Variants in TTC23 observed in about 807,000 individuals in gnomAD.
TTC23 encodes tetratricopeptide repeat protein 23.
A neutral mutation model predicts 55.1 loss-of-function variants in TTC23; 58 were observed. That is an observed-to-expected ratio of 1.05 (90% CI 0.85 to 1.31). The LOEUF (loss-of-function observed/expected upper bound fraction) is 1.31, where lower values mean the gene tolerates loss of function less well. TTC23 is among the 50% of genes most tolerant of loss of function. The pLI, the probability that TTC23 is intolerant of heterozygous loss-of-function variation, is 0.00. For missense variants in TTC23, 516 were observed against 534.4 expected (o/e 0.97, Z 0.34); for synonymous variants, 203 against 199.9 (o/e 1.02, Z -0.13).
intron 12 of TTC23, among the ~76,000 whole-genome samples, chr15:99,146,212 A>T (rs530229585): frequency 6.6e-6 from 1 of 152,372 alleles, no homozygotes; most frequent in Non-Finnish European, 1.5e-5. Context: ...GTGTACCCAC[A>T]TAGAAATTAT....
At chr15:99,218,846 A>C in intron 7 of TTC23, 52 bp downstream of exon 7, 1 of 1,598,644 alleles carries the variant, frequency 6.3e-7, no homozygotes, top group Non-Finnish European at 8.5e-7. Context: ...TTGGCGTGTA[A>C]GTGTTACGTG....
At chr15:99,159,488 G>A (rs1194235293) in intron 11 of TTC23, 2 of 152,310 alleles carry the variant, frequency 1.3e-5, no homozygotes, top group Middle Eastern at 3.2e-3. Context: ...AGAGGAATCA[G>A]AGAAGCTGGT....
chr15:99,180,222 T>C lies in TTC23; in HGVS notation c.760-5067A>G, dbSNP rs1012401378. On this transcript the variant is annotated intron_variant, in intron 9 of 13. Coordinates refer to ENST00000394132, the MANE Select transcript of TTC23 (RefSeq NM_001288615.3). The stretch of plus-strand genomic sequence containing the variant: ...GTATCTTATGGTTACATTTATCAAC[T>C]GTCATCTTGAAGCTGAGGAGGAATG... Among the ~76,000 whole-genome samples the C allele has an allele frequency of 2.6e-5, 4 of 152,150 alleles. 1 individual carries two copies. Among genetic ancestry groups the C allele is most frequent in the Admixed American group, 1.3e-4 (2 of 15,270 alleles).
chr15:99,232,185 G>C (rs867440301), intron 4 of TTC23, among the ~76,000 whole-genome samples: 4 of 151,338 alleles, frequency 2.6e-5, no homozygotes, highest in Non-Finnish European at 4.4e-5. Context: ...AGGATATAAA[G>C]AAAGAAAAAT....
chr15:99,205,015 T>C (rs1442853010), intron 8 of TTC23, among the ~76,000 whole-genome samples: 3 of 152,218 alleles, frequency 2.0e-5, no homozygotes, highest in African/African-American at 4.8e-5. Context: ...CTTATGAATA[T>C]GGATATCCAG....
At chr15:99,189,798 A>G (rs1250735903) in intron 9 of TTC23, among the ~76,000 whole-genome samples, 1 of 152,210 alleles carries the variant, frequency 6.6e-6, no homozygotes, top group African/African-American at 2.4e-5. Context: ...ATGATCCTGG[A>G]GTGGATCTTG....
intron 9 of TTC23, among the ~76,000 whole-genome samples, chr15:99,190,700 G>A (rs1355288033): frequency 1.3e-5 from 2 of 152,122 alleles, no homozygotes; most frequent in East Asian, 3.9e-4. Context: ...AAGTGCTAAG[G>A]ACTCCTGAGA....
At chr15:99,214,507 CAAAAAAA>C (rs532096253) in intron 8 of TTC23, among the ~76,000 whole-genome samples, 6 of 99,018 alleles carry the variant, frequency 6.1e-5, no homozygotes, top group Non-Finnish European at 1.2e-4. Flanking sequence ...GACTGCATCT[CAAAAAAA>C]AAAAAAAAAA....
chr15:99,229,638 C>A (rs752684535), intron 4 of TTC23, among the ~76,000 whole-genome samples: 4 of 152,084 alleles, frequency 2.6e-5, no homozygotes, highest in African/African-American at 7.2e-5. Context: ...AGAGGGACAC[C>A]CTCAAGTATA....
At chr15:99,155,552 T>A (rs1386782899) in intron 12 of TTC23, 3 of 152,286 alleles carry the variant, frequency 2.0e-5, no homozygotes, top group Non-Finnish European at 4.4e-5. Flanking sequence ...AATCATTCTA[T>A]AAAATCTCTG....
intron 10 of TTC23, among the ~76,000 whole-genome samples, chr15:99,168,129 C>A (rs1350700972): frequency 6.6e-6 from 1 of 152,232 alleles, no homozygotes; most frequent in Non-Finnish European, 1.5e-5. Flanking sequence ...AACACTTTCA[C>A]AGTGCCATAG....
At chr15:99,235,352 T>C (rs1407487378) in intron 3 of TTC23, among the ~76,000 whole-genome samples, 1 of 134,926 alleles carries the variant, frequency 7.4e-6, no homozygotes, top group African/African-American at 2.9e-5. Flanking sequence ...GTGGACATTT[T>C]AAGCATTTTT....
chr15:99,148,906 G>A (rs2069328238), intron 12 of TTC23, among the ~76,000 whole-genome samples: 1 of 152,216 alleles, frequency 6.6e-6, no homozygotes. Context: ...TGCTGTGTGT[G>A]TGCCTTGTTT....
At chr15:99,139,942 T>G (rs2068034178) in intron 12 of TTC23, 4 of 340,846 alleles carry the variant, frequency 1.2e-5, no homozygotes, top group South Asian at 1.1e-4. Context: ...TGCCATTTGA[T>G]TGCTTGTAGT....
rs924246527 is a variant in TTC23, at chr15:99,245,234, G to A, written c.-309+155C>T. ...GCATAAGAAATGACATATAGAGGCC[G>A]GGCGTGGTGGCTCATGCCTGTAATC... On this transcript the variant is annotated intron_variant, in intron 2 of 13. Coordinates refer to ENST00000394132, the MANE Select transcript of TTC23 (RefSeq NM_001288615.3). Among the ~76,000 whole-genome samples the A allele has an allele frequency of 2.0e-4, 31 of 152,136 alleles. 1 individual carries two copies. Among genetic ancestry groups the A allele is most frequent in the Admixed American group, 5.9e-4 (9 of 15,278 alleles).
rs56890685 is a variant in TTC23 at position 99,204,632 on chromosome 15, G to GTTT, written c.582-4539_582-4537dup. ...TCAGAGTTTCAGTCTTAGATTTAAG[G>GTTT]TTTTTTTTTTTTTTTTTTTTTTTAG... On this transcript the variant is annotated intron_variant, in intron 8 of 13. Transcript: ENST00000394132. 8.5e-3 allele frequency among the ~76,000 whole-genome samples: 516 copies of GTTT among 60,818 alleles called. 63 individuals are homozygous for GTTT. The highest frequency in any genetic ancestry group is 0.03 in the African/African-American group (445 of 14,628). The allele number at this position is 60,818 out of a possible 152,430, so 39.9% of individuals were successfully genotyped here. A position where few individuals can be genotyped will look rare whatever the true frequency, so the allele number is the denominator to read the frequency against.
intron 2 of TTC23, among the ~76,000 whole-genome samples, chr15:99,243,892 A>G (rs1224270815): frequency 1.3e-5 from 2 of 152,182 alleles, no homozygotes; most frequent in Non-Finnish European, 2.9e-5. Flanking sequence ...GATAGAATGA[A>G]TAAGATCTAG....
Position 99,200,008 on chromosome 15 carries a change from T to G in TTC23, c.670A>C (p.Ser224Arg). The change falls in exon 9 of 14, where the codon AGT (serine) becomes CGT (arginine). Residue 224 changes from serine (S) to arginine (R), a missense_variant. Coordinates refer to ENST00000394132, the MANE Select transcript of TTC23 (RefSeq NM_001288615.3). The part of the protein sequence containing the change: ...EYVEISKGET[S>R]RECVPILREL... ...CTCAATATGGGTACACACTCACGAC[T>G]TGTTTCACCTTTACTGATCTCAACA... The G allele has an allele frequency of 1.2e-6, 2 of 1,614,126 alleles. No individual in the cohort carries two copies. Among genetic ancestry groups the G allele is most frequent in the South Asian group, 2.2e-5 (2 of 91,070 alleles).
intron 10 of TTC23, among the ~76,000 whole-genome samples, chr15:99,167,701 G>A (rs1435827778): frequency 6.6e-6 from 1 of 152,194 alleles, no homozygotes; most frequent in Non-Finnish European, 1.5e-5. Flanking sequence ...TGGAGGGGAG[G>A]TCAGGAGGCT....
Sources: gnomAD v4.1 joint callset for allele counts (sites outside exome capture counted in the v4.1 genomes callset) on GRCh38, gnomAD v4.1.1 for gene constraint, MANE v1.5 for transcripts, NCBI Gene and HGNC (gene_info 2026-07-23, HGNC 2026-07-21) for gene names.